Variants in MERTK observed in about 807,000 individuals in gnomAD.
MERTK encodes tyrosine-protein kinase Mer.
MERTK carries 69 observed loss-of-function variants against 99.3 expected under a neutral mutation model. That is an observed-to-expected ratio of 0.70 (90% CI 0.57 to 0.85). MERTK has a LOEUF of 0.85. MERTK is among the 40% of genes least tolerant of loss of function. The pLI is 0.00. For missense variants in MERTK, 1,125 were observed against 1,249.4 expected, an observed-to-expected ratio of 0.90 and a Z score of 1.50; for synonymous variants, 426 against 467.6, an observed-to-expected ratio of 0.91 and a Z score of 1.15.
intron 18 of MERTK, among the ~76,000 whole-genome samples, chr2:112,026,585 A>G (rs1677465328): frequency 6.6e-6 from 1 of 152,212 alleles, no homozygotes; most frequent in Non-Finnish European, 1.5e-5. Context: ...ACAGGGAAAC[A>G]AAACAGAACC....
At position 112,008,448 on chromosome 2, in the gene MERTK, A is replaced by G. The variant is rs1268096628; in HGVS notation, c.1933A>G (p.Ser645Gly). ...LSEAACMKDF[S>G]HPNVIRLLGV... ...TGAGGCAGCGTGCATGAAAGACTTC[A>G]GCCACCCAAATGTCATTCGACTTCT... Residue 645 changes from serine (S) to glycine (G), a missense_variant, in exon 14 of 19, where the codon AGC becomes GGC. Transcript: ENST00000295408. 1 of 1,614,142 alleles carries G rather than the reference A, an allele frequency of 6.2e-7. No individual in the cohort carries two copies. Among genetic ancestry groups the G allele is most frequent in the Non-Finnish European group, 8.5e-7 (1 of 1,179,980 alleles).
chr2:112,027,621 T>A (rs1031296617), intron 18 of MERTK, among the ~76,000 whole-genome samples: 1 of 152,052 alleles, frequency 6.6e-6, no homozygotes, highest in South Asian at 2.1e-4. Context: ...AGTTGTCCAA[T>A]CTGAATCTGA....
At chr2:112,014,375 G>T (rs532551923) in intron 15 of MERTK, among the ~76,000 whole-genome samples, 1 of 151,844 alleles carries the variant, frequency 6.6e-6, no homozygotes, top group South Asian at 2.1e-4. Context: ...ATGTTGGTCA[G>T]GCTGGTCTCA....
At chr2:111,976,933 A>G (rs1196371088) in intron 7 of MERTK, among the ~76,000 whole-genome samples, 1 of 152,088 alleles carries the variant, frequency 6.6e-6, no homozygotes, top group Non-Finnish European at 1.5e-5. Flanking sequence ...ACCATTTCAC[A>G]TATATTCCAT....
chr2:111,915,714 G>T (rs1282596216), intron 1 of MERTK, among the ~76,000 whole-genome samples: 3 of 152,084 alleles, frequency 2.0e-5, no homozygotes, highest in Non-Finnish European at 2.9e-5. Flanking sequence ...TGACCAACAT[G>T]GTGAAACCTC....
intron 13 of MERTK, among the ~76,000 whole-genome samples, chr2:112,005,735 C>CT (rs1205940135): frequency 6.6e-6 from 1 of 152,154 alleles, no homozygotes; most frequent in Non-Finnish European, 1.5e-5. Flanking sequence ...TTATTAACCC[C>CT]TTGTACCTAT....
rs547249437 is a variant in MERTK at position 112,026,068 on chromosome 2, C to T, written c.2487-2283C>T. On this transcript the variant is annotated intron_variant, in intron 18 of 18. Coordinates refer to ENST00000295408, the MANE Select transcript of MERTK (RefSeq NM_006343.3). ...GCAATTACCAAACTTATTTTTCTTTCCATCCATAAAATTTTATAAAGTCTA... is the reference window on the plus strand; with the variant it reads ...GCAATTACCAAACTTATTTTTCTTTTCATCCATAAAATTTTATAAAGTCTA... The T allele has an allele frequency of 1.5e-3, 237 of 154,058 alleles. 3 individuals are homozygous for T. Among genetic ancestry groups the T allele is most frequent in the African/African-American group, 5.2e-3 (216 of 41,608 alleles). The allele number at this position is 154,058 out of a possible 1,614,324, so 9.5% of individuals were successfully genotyped here.
intron 1 of MERTK, among the ~76,000 whole-genome samples, chr2:111,901,838 A>C (rs558333824): frequency 1.3e-3 from 192 of 152,184 alleles, no homozygotes; most frequent in African/African-American, 4.5e-3. Flanking sequence ...TATAGGCATG[A>C]GCCACCATGC....
intron 7 of MERTK, among the ~76,000 whole-genome samples, chr2:111,981,182 T>C (rs1676364887): frequency 6.6e-6 from 1 of 152,214 alleles, no homozygotes; most frequent in Non-Finnish European, 1.5e-5. Context: ...ATCTGAAATA[T>C]AGAATTTAAC....
At chr2:111,943,404 T>A (rs1684899683) in intron 2 of MERTK, among the ~76,000 whole-genome samples, 1 of 152,132 alleles carries the variant, frequency 6.6e-6, no homozygotes, top group Admixed American at 6.5e-5. Context: ...CTGAGAACGG[T>A]GGCTCATGGC....
intron 2 of MERTK, among the ~76,000 whole-genome samples, chr2:111,931,863 A>G (rs1049213477): frequency 4.6e-5 from 7 of 151,970 alleles, no homozygotes; most frequent in African/African-American, 1.2e-4. Flanking sequence ...TCCCTGGTCT[A>G]TTTTCCAAAG....
In MERTK at chr2:111,975,344, C is replaced by T. The variant is rs760569673; in HGVS notation, c.1016C>T (p.Ala339Val). 6.2e-7 allele frequency: 1 copy of T among 1,614,180 alleles called. No homozygotes were observed. The highest frequency in any genetic ancestry group is 1.7e-5 in the Admixed American group (1 of 60,026). The change falls in exon 7 of 19, where the codon GCC (alanine) becomes GTC (valine). Residue 339 changes from alanine (A) to valine (V), a missense_variant. Transcript: ENST00000295408. ...NGSVMIFNTS[A>V]LPHLYQIKQL... Reference sequence around the variant, plus strand: ...TCAGTCATGATTTTTAACACCTCTGCCTTACCACATCTGTACCAAATCAAG... The same window carrying T: ...TCAGTCATGATTTTTAACACCTCTGTCTTACCACATCTGTACCAAATCAAG...
intron 4 of MERTK, among the ~76,000 whole-genome samples, chr2:111,954,620 T>C (rs115156474): frequency 1.1e-3 from 162 of 152,372 alleles, no homozygotes; most frequent in African/African-American, 3.7e-3. Flanking sequence ...GACATCATGA[T>C]AATGAAGTAA....
At chr2:111,958,731 T>C (rs1685193507) in intron 4 of MERTK, among the ~76,000 whole-genome samples, 1 of 152,180 alleles carries the variant, frequency 6.6e-6, no homozygotes, top group South Asian at 2.1e-4. Flanking sequence ...TGAAGTCATG[T>C]TCTGTGATAA....
chr2:111,914,101 C>CTTTTTTTTTTTTTTTTTTTTT lies in MERTK; in HGVS notation c.62-15017_62-14997dup, dbSNP rs765850254. On this transcript the variant is annotated intron_variant, in intron 1 of 18. Transcript: ENST00000295408. Reference sequence around the variant, plus strand: ...CTTTTCTTTCTTTCTTTCTTTCTTTCTTTTTTTTTTTTTTTTTTTTTTGAG... The same window carrying CTTTTTTTTTTTTTTTTTTTTT: ...CTTTTCTTTCTTTCTTTCTTTCTTTCTTTTTTTTTTTTTTTTTTTTTTTTTTTTTTTTTTTTTTTTTTTGAG... Among the ~76,000 whole-genome samples the CTTTTTTTTTTTTTTTTTTTTT allele has an allele frequency of 2.6e-4, 25 of 94,460 alleles. 1 individual carries two copies. The highest frequency in any genetic ancestry group is 3.2e-4 in the Non-Finnish European group (16 of 49,280). 62.0% of individuals were successfully genotyped at this position (94,460 alleles called of 152,430 possible). A position where few individuals can be genotyped will look rare whatever the true frequency, so the allele number is the denominator to read the frequency against.
intron 2 of MERTK, among the ~76,000 whole-genome samples, chr2:111,939,943 A>G (rs1684831698): frequency 6.6e-6 from 1 of 152,010 alleles, no homozygotes. Context: ...TCATTTATTT[A>G]TTTAGGAGAT....
chr2:111,917,754 G>A (rs1007737229), intron 1 of MERTK, among the ~76,000 whole-genome samples: 5 of 152,020 alleles, frequency 3.3e-5, no homozygotes, highest in Middle Eastern at 3.4e-3. Flanking sequence ...GCGTGGTAGC[G>A]TGCGCCTGTA....
chr2:111,947,725 G>A (rs1254458319), intron 4 of MERTK, among the ~76,000 whole-genome samples, 158 bp downstream of exon 4: 1 of 152,202 alleles, frequency 6.6e-6, no homozygotes, highest in Non-Finnish European at 1.5e-5. Flanking sequence ...GAAGGCAGGT[G>A]GGAATCACAG....
chr2:112,009,304 G>T (rs1250186703), intron 14 of MERTK, among the ~76,000 whole-genome samples: 1 of 152,204 alleles, frequency 6.6e-6, no homozygotes, highest in Non-Finnish European at 1.5e-5. Flanking sequence ...ATTGCACTTT[G>T]TGATCACACC....
Sources: gnomAD v4.1 joint callset for allele counts (sites outside exome capture counted in the v4.1 genomes callset) on GRCh38, gnomAD v4.1.1 for gene constraint, MANE v1.5 for transcripts, NCBI Gene and HGNC (gene_info 2026-07-23, HGNC 2026-07-21) for gene names.